SLC24A2: variants seen among roughly 807,000 people sequenced by gnomAD.
The protein encoded by SLC24A2 is sodium/potassium/calcium exchanger 2.
A neutral mutation model predicts 62.0 loss-of-function variants in SLC24A2; 36 were observed. The observed-to-expected ratio is 0.58, with a 90% CI of 0.44 to 0.77. The LOEUF is 0.77. SLC24A2 is among the 30% of genes least tolerant of loss of function. The pLI is 0.00. For synonymous variants in SLC24A2, 358 were observed against 294.0 expected, an observed-to-expected ratio of 1.22 and a Z score of -2.23; for missense variants, 846 against 817.9, an observed-to-expected ratio of 1.03 and a Z score of -0.42.
At chr9:20,288,242 C>G in the SLC24A2 span, among the ~76,000 whole-genome samples, 21 of 152,272 alleles carry the variant, frequency 1.4e-4, no homozygotes, top group East Asian at 7.7e-4. Flanking sequence ...CTGTAGGAAC[C>G]TCAAGGCCAG....
the SLC24A2 span, among the ~76,000 whole-genome samples, chr9:19,960,413 T>C: frequency 6.6e-6 from 1 of 152,190 alleles, no homozygotes; most frequent in African/African-American, 2.4e-5. Context: ...TCGTGTGTAA[T>C]GAGCTGCAGT....
At chr9:19,876,648 C>T in the SLC24A2 span, among the ~76,000 whole-genome samples, 1 of 152,136 alleles carries the variant, frequency 6.6e-6, no homozygotes, top group Non-Finnish European at 1.5e-5. Context: ...GCTATGTTAA[C>T]TAATAGATAT....
intron 2 of SLC24A2, among the ~76,000 whole-genome samples, chr9:19,710,166 C>G (rs898854335): frequency 6.6e-6 from 1 of 152,186 alleles, no homozygotes; most frequent in Admixed American, 6.5e-5. Flanking sequence ...AAAGCCCTAG[C>G]ACTCTGAAAA....
At chr9:19,770,721 A>G (rs1426852945) in intron 2 of SLC24A2, among the ~76,000 whole-genome samples, 1 of 152,240 alleles carries the variant, frequency 6.6e-6, no homozygotes, top group African/African-American at 2.4e-5. Flanking sequence ...AGGTTTATAG[A>G]AACTAAAACT....
the SLC24A2 span, among the ~76,000 whole-genome samples, chr9:19,955,960 G>C: frequency 6.6e-6 from 1 of 152,172 alleles, no homozygotes; most frequent in Non-Finnish European, 1.5e-5. Context: ...ATACAAGAAA[G>C]AATAGGTAAG....
intron 7 of SLC24A2, among the ~76,000 whole-genome samples, chr9:19,570,922 C>G (rs1586979165): frequency 6.6e-6 from 1 of 152,202 alleles, no homozygotes; most frequent in East Asian, 1.9e-4. Flanking sequence ...CTCTTGAACT[C>G]TGAGCCTAGC....
chr9:19,734,067 T>G (rs1051986669), intron 2 of SLC24A2, among the ~76,000 whole-genome samples: 2 of 152,172 alleles, frequency 1.3e-5, no homozygotes, highest in South Asian at 2.1e-4. Context: ...AGGGATGTTC[T>G]TAACTACATG....
At chr9:20,211,548 T>C in the SLC24A2 span, among the ~76,000 whole-genome samples, 76 of 152,290 alleles carry the variant, frequency 5.0e-4, 1 homozygote, top group African/African-American at 1.7e-3. Flanking sequence ...ACATGTTAAT[T>C]GCAAAACTTA....
chr9:19,672,856 T>C (rs540184294), intron 2 of SLC24A2, among the ~76,000 whole-genome samples: 2 of 146,738 alleles, frequency 1.4e-5, no homozygotes, highest in East Asian at 3.9e-4. Flanking sequence ...AGGGCTTCTT[T>C]TGGAGTTGAT....
At chr9:19,543,184 C>T (rs890688041) in intron 8 of SLC24A2, among the ~76,000 whole-genome samples, 1 of 152,118 alleles carries the variant, frequency 6.6e-6, no homozygotes, top group South Asian at 2.1e-4. Context: ...GGAATTTATC[C>T]ATTTCTTCTA....
At chr9:19,797,947 T>C in the SLC24A2 span, among the ~76,000 whole-genome samples, 9 of 152,310 alleles carry the variant, frequency 5.9e-5, no homozygotes, top group Admixed American at 3.9e-4. Flanking sequence ...TGGTTTTCTA[T>C]TGTAGGCTGT....
the SLC24A2 span, among the ~76,000 whole-genome samples, chr9:20,181,512 C>T: frequency 6.6e-6 from 1 of 152,042 alleles, no homozygotes; most frequent in Non-Finnish European, 1.5e-5. Context: ...CTTTGACAAA[C>T]CTGACAAAAA....
chr9:19,591,943 G>C (rs1030482594), intron 5 of SLC24A2, among the ~76,000 whole-genome samples: 9 of 152,208 alleles, frequency 5.9e-5, no homozygotes, highest in Non-Finnish European at 1.2e-4. Context: ...GAAGGTCACA[G>C]ATAACAAGAA....
the SLC24A2 span, among the ~76,000 whole-genome samples, chr9:19,860,774 G>A: frequency 6.6e-6 from 1 of 152,100 alleles, no homozygotes; most frequent in Non-Finnish European, 1.5e-5. Context: ...AGAGCCCTTG[G>A]GCCTTAAGAG....
the SLC24A2 span, among the ~76,000 whole-genome samples, chr9:19,915,123 C>T: frequency 6.6e-6 from 1 of 152,216 alleles, no homozygotes; most frequent in South Asian, 2.1e-4. Flanking sequence ...CCCTTGGCAA[C>T]TACTTTTGTC....
In SLC24A2 at chr9:19,515,807, G is replaced by T. The variant is rs541288145; in HGVS notation, c.*346C>A. 6.0e-6 allele frequency: 2 copies of T among 332,744 alleles called. No homozygotes were observed. Among genetic ancestry groups the T allele is most frequent in the Non-Finnish European group, 1.2e-5 (2 of 169,718 alleles). The allele number at this position is 332,744 out of a possible 1,614,324, so 20.6% of individuals were successfully genotyped here. ...AGGCAGGATTTGTGTGTTCATGTGC[G>T]TATATTTATAATATGTGTATTTATA... On this transcript the variant is annotated 3_prime_UTR_variant, in exon 11 of 11. Coordinates refer to ENST00000341998, the MANE Select transcript of SLC24A2 (RefSeq NM_020344.4).
At chr9:19,880,434 T>C in the SLC24A2 span, among the ~76,000 whole-genome samples, 14 of 152,332 alleles carry the variant, frequency 9.2e-5, no homozygotes, top group East Asian at 2.7e-3. Flanking sequence ...TACCATTGGC[T>C]TGGACTCTGA....
the SLC24A2 span, among the ~76,000 whole-genome samples, chr9:19,975,189 G>A: frequency 6.6e-6 from 1 of 152,154 alleles, no homozygotes; most frequent in Admixed American, 6.5e-5. Context: ...TTAGGCTCCA[G>A]GTCTAAGAGC....
the SLC24A2 span, among the ~76,000 whole-genome samples, chr9:19,837,895 A>T: frequency 2.0e-5 from 3 of 152,080 alleles, no homozygotes; most frequent in East Asian, 5.8e-4. Context: ...AGAACTACAA[A>T]CCACTGCTCA....
Sources: allele counts gnomAD v4.1 joint callset (sites outside exome capture counted in the v4.1 genomes callset), GRCh38; gene constraint gnomAD v4.1.1; transcripts MANE v1.5; gene names NCBI Gene and HGNC (gene_info 2026-07-23, HGNC 2026-07-21).